Variants in LYZL2 observed in about 807,000 individuals in gnomAD.
LYZL2 encodes the protein lysozyme like 2.
In LYZL2, 13 loss-of-function variants were observed where a neutral mutation model predicts 17.1. The observed-to-expected ratio is 0.76, with a 90% confidence interval of 0.49 to 1.21. The LOEUF (loss-of-function observed/expected upper bound fraction) is 1.21. LYZL2 is among the 50% of genes most tolerant of loss of function. The probability of loss-of-function intolerance (pLI) is 0.00; values close to 1 mark genes in which losing one functional copy is unlikely to be tolerated. For synonymous variants in LYZL2, 63 were observed against 74.4 expected, an observed-to-expected ratio of 0.85 and a Z score of 0.79; for missense variants, 166 against 189.2, an observed-to-expected ratio of 0.88 and a Z score of 0.72.
chr10:30,613,257 G>A (rs186217286), intron 3 of LYZL2, among the ~76,000 whole-genome samples: 4 of 152,274 alleles, frequency 2.6e-5, no homozygotes, highest in African/African-American at 4.8e-5. Flanking sequence ...AGTACTTTGG[G>A]AGGCCAAGGT....
At chr10:30,619,875 C>T (rs926894302) in intron 3 of LYZL2, among the ~76,000 whole-genome samples, 2 of 151,744 alleles carry the variant, frequency 1.3e-5, no homozygotes, top group African/African-American at 2.4e-5. Context: ...ATTAAAGAGA[C>T]AGCTCTTTCA....
downstream of LYZL2, among the ~76,000 whole-genome samples, chr10:30,608,039 C>A (rs146002716): frequency 2.0e-4 from 31 of 152,254 alleles, no homozygotes; most frequent in East Asian, 6.0e-3. Flanking sequence ...GCCTCCCAAG[C>A]TGAAGTGATC....
intron 3 of LYZL2, among the ~76,000 whole-genome samples, chr10:30,619,677 T>C (rs1363279886): frequency 9.5e-5 from 2 of 20,954 alleles, no homozygotes; most frequent in African/African-American, 3.4e-4. Context: ...GGGACTGTTG[T>C]GGGGTGGGGG....
downstream of LYZL2, among the ~76,000 whole-genome samples, chr10:30,611,088 TTTTCGAATGAGTCTTA>T (rs1048146424): frequency 2.0e-5 from 3 of 152,108 alleles, no homozygotes; most frequent in South Asian, 2.1e-4. Flanking sequence ...GGGAGTCTTA[TTTTCGAATGAGTCTTA>T]TTTCGAATGG....
chr10:30,612,671 C>T, intron 4 of LYZL2, 151 bp downstream of exon 4: 3 of 627,002 alleles, frequency 4.8e-6, no homozygotes, highest in Non-Finnish European at 8.6e-6. Context: ...TGCACACCCA[C>T]ACACTGATGG....
chr10:30,616,441 T>G (rs111612745), intron 3 of LYZL2, among the ~76,000 whole-genome samples: 1 of 152,208 alleles, frequency 6.6e-6, no homozygotes, highest in Non-Finnish European at 1.5e-5. Flanking sequence ...TCCCAGCACT[T>G]TGGGAGGCTG....
downstream of LYZL2, among the ~76,000 whole-genome samples, chr10:30,609,561 T>A (rs1838409907): frequency 6.6e-6 from 1 of 152,228 alleles, no homozygotes; most frequent in South Asian, 2.1e-4. Context: ...TAGCAGGGGC[T>A]GTCCCAAGAA....
chr10:30,620,165 T>C (rs1311767479), intron 3 of LYZL2, among the ~76,000 whole-genome samples: 1 of 152,170 alleles, frequency 6.6e-6, no homozygotes, highest in Non-Finnish European at 1.5e-5. Context: ...AAAGTTTTAT[T>C]AGAACACACA....
At chr10:30,611,392 G>A (rs1229457646), downstream of LYZL2, among the ~76,000 whole-genome samples, 6 of 151,512 alleles carry the variant, frequency 4.0e-5, no homozygotes, top group East Asian at 1.9e-4. Flanking sequence ...CCAGCTACTC[G>A]GGAGGCTGAG....
At chr10:30,621,192 GA>G (rs111294969) in intron 3 of LYZL2, among the ~76,000 whole-genome samples, 121 of 151,714 alleles carry the variant, frequency 8.0e-4, no homozygotes, top group African/African-American at 2.3e-3. Flanking sequence ...AACAACTAGA[GA>G]AAAAAAACAC....
intron 3 of LYZL2, among the ~76,000 whole-genome samples, chr10:30,625,436 A>G (rs1838686714): frequency 6.6e-6 from 1 of 152,110 alleles, no homozygotes; most frequent in South Asian, 2.1e-4. Context: ...TGTAAGGTAC[A>G]AGAGTGAAGT....
At chr10:30,609,634 T>C (rs1325450603), downstream of LYZL2, among the ~76,000 whole-genome samples, 1 of 152,182 alleles carries the variant, frequency 6.6e-6, no homozygotes, top group Admixed American at 6.5e-5. Context: ...TATCCCCTAA[T>C]ACCCAAGAGT....
chr10:30,610,897 C>T (rs1838423490), downstream of LYZL2, among the ~76,000 whole-genome samples: 1 of 152,144 alleles, frequency 6.6e-6, no homozygotes, highest in Non-Finnish European at 1.5e-5. Flanking sequence ...TCTCAGTTGC[C>T]TTGTCTCTCC....
chr10:30,629,543 T>C (rs1233847742), intron 1 of LYZL2, 50 bp downstream of exon 1: 11 of 1,598,884 alleles, frequency 6.9e-6, no homozygotes, highest in Non-Finnish European at 9.4e-6. Flanking sequence ...GAACCTGCCA[T>C]TGCTGGTTCT....
chr10:30,612,755 A>G, intron 4 of LYZL2, 67 bp downstream of exon 4: 2 of 1,252,990 alleles, frequency 1.6e-6, no homozygotes, highest in Non-Finnish European at 1.2e-6. Context: ...TTCCACCATA[A>G]CTGTGATAAA....
intron 1 of LYZL2, among the ~76,000 whole-genome samples, chr10:30,627,577 A>C (rs1477745955): frequency 6.6e-6 from 1 of 152,210 alleles, no homozygotes; most frequent in African/African-American, 2.4e-5. Flanking sequence ...TTTTCTTAAT[A>C]ACATTTTCTT....
chr10:30,613,272 G>A (rs2132934666), intron 3 of LYZL2, among the ~76,000 whole-genome samples: 1 of 152,280 alleles, frequency 6.6e-6, no homozygotes, highest in African/African-American at 2.4e-5. Context: ...CAAGGTAGGA[G>A]AATCACTTGA....
At chr10:30,623,563 C>A (rs1184136008) in intron 3 of LYZL2, among the ~76,000 whole-genome samples, 1 of 152,090 alleles carries the variant, frequency 6.6e-6, no homozygotes, top group Non-Finnish European at 1.5e-5. Context: ...GCATTAGATT[C>A]TTATATAGGT....
At chr10:30,607,910 G>A (rs1838394379), downstream of LYZL2, among the ~76,000 whole-genome samples, 1 of 152,148 alleles carries the variant, frequency 6.6e-6, no homozygotes, top group South Asian at 2.1e-4. Context: ...CCGATAACCT[G>A]GAGAAACATC....
Sources: gnomAD v4.1 joint callset for allele counts (sites outside exome capture counted in the v4.1 genomes callset) on GRCh38, gnomAD v4.1.1 for gene constraint, MANE v1.5 for transcripts, NCBI Gene and HGNC (gene_info 2026-07-23, HGNC 2026-07-21) for gene names.